DNAH7: variants seen among roughly 807,000 people sequenced by gnomAD.
DNAH7 encodes dynein axonemal heavy chain 7.
A neutral mutation model predicts 444.6 loss-of-function variants in DNAH7; 397 were observed. That is an observed-to-expected ratio of 0.89 (90% CI 0.82 to 0.97). DNAH7 has a LOEUF of 0.97. Among genes scored for constraint, DNAH7 ranks in the 50% least tolerant of loss-of-function variants. The probability of loss-of-function intolerance (pLI) is 0.00; values close to 1 mark genes in which losing one functional copy is unlikely to be tolerated. For synonymous variants in DNAH7, 1,636 were observed against 1,624.4 expected, an observed-to-expected ratio of 1.01 and a Z score of -0.17; for missense variants, 4,902 against 4,800.8, an observed-to-expected ratio of 1.02 and a Z score of -0.62.
chr2:195,787,957 C>A (rs1695708177), intron 57 of DNAH7, among the ~76,000 whole-genome samples: 1 of 152,020 alleles, frequency 6.6e-6, no homozygotes, highest in African/African-American at 2.4e-5. Flanking sequence ...TGAGGAAACC[C>A]CAAGGGTAAG....
chr2:195,744,680 C>T (rs1464152308), intron 63 of DNAH7, among the ~76,000 whole-genome samples: 1 of 152,184 alleles, frequency 6.6e-6, no homozygotes, highest in Non-Finnish European at 1.5e-5. Flanking sequence ...AATCAGACAG[C>T]AGCATTCACG....
intron 32 of DNAH7, 103 bp from the exon 33 acceptor site, chr2:195,888,537 G>C: frequency 8.3e-7 from 1 of 1,205,432 alleles, no homozygotes; most frequent in South Asian, 1.6e-5. Flanking sequence ...TCTTGGGCGG[G>C]GGGAAGCTTA....
chr2:196,021,345 G>C (rs1306442413), intron 8 of DNAH7, among the ~76,000 whole-genome samples: 1 of 152,092 alleles, frequency 6.6e-6, no homozygotes, highest in African/African-American at 2.4e-5. Context: ...AAGCACATAA[G>C]AACAATTAGT....
intron 23 of DNAH7, among the ~76,000 whole-genome samples, chr2:195,922,653 C>T (rs545394645): frequency 3.3e-5 from 5 of 152,202 alleles, no homozygotes; most frequent in African/African-American, 1.2e-4. Flanking sequence ...TTCTTCTCTC[C>T]TCCCACCCCA....
In DNAH7 at chr2:195,861,912, G is replaced by A. The variant is rs374848304; in HGVS notation, c.7541C>T (p.Ser2514Leu). ...CATTTCAATTTCTTCCAAGAATCGT[G>A]AGGCAACTGCCTGGAGTGCATCTTC... ...WPEDALQAVA[S>L]RFLEEIEMSE... Residue 2514 changes from serine to leucine, a missense_variant, in exon 42 of 65, where the codon TCA (serine) becomes TTA (leucine). Ser to Leu is a moderately radical substitution (Grantham distance 145, BLOSUM62 -2). Coordinates refer to ENST00000312428, the MANE Select transcript of DNAH7 (RefSeq NM_018897.3). 27 of 1,613,758 alleles carry A rather than the reference G, an allele frequency of 1.7e-5. No homozygotes were observed. Among genetic ancestry groups the A allele is most frequent in the Non-Finnish European group, 2.2e-5 (26 of 1,179,846 alleles).
intron 2 of DNAH7, among the ~76,000 whole-genome samples, chr2:196,057,126 A>AT (rs1344609227): frequency 2.0e-5 from 3 of 152,242 alleles, no homozygotes; most frequent in African/African-American, 7.2e-5. Context: ...TCAAATAAAA[A>AT]TTTTTAAATA....
At chr2:195,839,797 T>G (rs1028825879) in intron 47 of DNAH7, among the ~76,000 whole-genome samples, 1 of 151,764 alleles carries the variant, frequency 6.6e-6, no homozygotes, top group Non-Finnish European at 1.5e-5. Flanking sequence ...AGACAGAAAC[T>G]GCCAAAACTC....
At chr2:195,914,432 A>G (rs766220423) in intron 24 of DNAH7, among the ~76,000 whole-genome samples, 33 of 152,340 alleles carry the variant, frequency 2.2e-4, no homozygotes, top group Non-Finnish European at 4.0e-4. Context: ...CAATTGCACT[A>G]GTGTTAGATC....
intron 61 of DNAH7, among the ~76,000 whole-genome samples, chr2:195,765,166 A>T (rs1040650924): frequency 4.6e-5 from 7 of 152,176 alleles, no homozygotes; most frequent in Admixed American, 2.0e-4. Flanking sequence ...GTGCTGGGAA[A>T]TCTGGATATT....
intron 44 of DNAH7, among the ~76,000 whole-genome samples, chr2:195,856,809 A>C (rs1251574409): frequency 6.6e-6 from 1 of 151,874 alleles, no homozygotes; most frequent in East Asian, 1.9e-4. Flanking sequence ...GTCCAACTAA[A>C]CCTCTGTGTG....
In DNAH7 at chr2:196,068,749, G is replaced by A; in HGVS notation, c.-38C>T. 2 of 1,549,594 alleles carry A rather than the reference G, an allele frequency of 1.3e-6. No homozygotes were observed. Among genetic ancestry groups the A allele is most frequent in the Non-Finnish European group, 1.7e-6 (2 of 1,146,712 alleles). On this transcript the variant is annotated 5_prime_UTR_variant, in exon 1 of 65. Coordinates refer to ENST00000312428, the MANE Select transcript of DNAH7 (RefSeq NM_018897.3). ...GCGCTGGCCTCACCGGTGCTTCTGG[G>A]TTGCTCCTGCCCGCGGAACCCCTAG...
Position 195,809,801 on chromosome 2 carries a change from C to G in DNAH7, c.9832G>C (p.Asp3278His). ...VNVCRSLFEKDKLLFSFCLTI... is the reference protein window; with the variant it reads ...VNVCRSLFEKHKLLFSFCLTI... ...AGACAAAAGGAAAAGAGCAGCTTAT[C>G]CTTTTCAAAGAGTGACCGGCAGACA... Residue 3278 changes from aspartate to histidine, a missense_variant, in exon 52 of 65, where the codon GAT (aspartate) becomes CAT (histidine). Asp to His is a moderately conservative substitution (Grantham distance 81). Transcript: ENST00000312428. 1 of 1,601,086 alleles carries G rather than the reference C, an allele frequency of 6.2e-7. No homozygotes were observed. Among genetic ancestry groups the G allele is most frequent in the South Asian group, 1.1e-5 (1 of 89,004 alleles).
In DNAH7 at chr2:195,960,516, TG is replaced by T; in HGVS notation, c.2634del (p.Asp878GlufsTer2). ...SDDSTVSSFL[D>X]MNLEPYIDRF... ...CGGTCTATATATGGTTCCAGATTCATGTCTAAAAAAGAGGAGACTGTGGAGT... is the reference window on the plus strand; with the variant it reads ...CGGTCTATATATGGTTCCAGATTCATTCTAAAAAAGAGGAGACTGTGGAGT... On this transcript the variant is annotated frameshift_variant, in exon 18 of 65. Coordinates refer to ENST00000312428, the MANE Select transcript of DNAH7 (RefSeq NM_018897.3). LOFTEE classifies it high-confidence loss of function. 6.2e-7 allele frequency: 1 copy of T among 1,614,204 alleles called. No individual in the cohort carries two copies. The highest frequency in any genetic ancestry group is 1.1e-5 in the South Asian group (1 of 91,080).
intron 51 of DNAH7, among the ~76,000 whole-genome samples, chr2:195,814,813 T>C (rs1396982912): frequency 6.6e-6 from 1 of 151,994 alleles, no homozygotes; most frequent in Admixed American, 6.6e-5. Context: ...CAATCACGAC[T>C]CACTGCGGCC....
intron 63 of DNAH7, among the ~76,000 whole-genome samples, chr2:195,750,350 G>A (rs530233185): frequency 6.6e-6 from 1 of 152,238 alleles, no homozygotes; most frequent in Non-Finnish European, 1.5e-5. Context: ...TTTTGGCAAT[G>A]CTTATAAATT....
At chr2:195,979,383 A>T (rs926799363) in intron 15 of DNAH7, among the ~76,000 whole-genome samples, 1 of 152,168 alleles carries the variant, frequency 6.6e-6, no homozygotes, top group Non-Finnish European at 1.5e-5. Context: ...CAGTGAGTCA[A>T]TGAAGAAATT....
chr2:195,830,361 T>C (rs1035915688), intron 48 of DNAH7, among the ~76,000 whole-genome samples: 3 of 152,196 alleles, frequency 2.0e-5, no homozygotes, highest in African/African-American at 7.2e-5. Flanking sequence ...TTCAAATTTC[T>C]CTTGCATGTA....
intron 46 of DNAH7, among the ~76,000 whole-genome samples, chr2:195,846,949 A>G (rs997422714): frequency 8.5e-4 from 117 of 137,214 alleles, no homozygotes; most frequent in African/African-American, 2.3e-3. Flanking sequence ...ACTCCCATAT[A>G]TGTGTGTGTG....
chr2:195,905,370 G>A (rs1005247267), intron 27 of DNAH7: 6 of 152,150 alleles, frequency 3.9e-5, no homozygotes, highest in Admixed American at 3.9e-4. Context: ...TTTTTCATTT[G>A]TTAATCATGC....
Sources: gnomAD v4.1 joint callset for allele counts (sites outside exome capture counted in the v4.1 genomes callset) on GRCh38, gnomAD v4.1.1 for gene constraint, MANE v1.5 for transcripts, NCBI Gene and HGNC (gene_info 2026-07-23, HGNC 2026-07-21) for gene names.